Variants in PLGRKT observed in about 807,000 individuals in gnomAD.
PLGRKT encodes the protein plasminogen receptor with a C-terminal lysine, also known as plasminogen receptor (KT).
A neutral mutation model predicts 18.5 loss-of-function variants in PLGRKT; 22 were observed. That is an observed-to-expected ratio of 1.19 (90% CI 0.85 to 1.70). The LOEUF is 1.70. Ranked by LOEUF, PLGRKT falls within the 40% of genes most tolerant of loss-of-function variation. The pLI is 0.00. For missense variants in PLGRKT, 235 were observed against 174.4 expected (o/e 1.35, Z -1.96); for synonymous variants, 72 against 52.8 (o/e 1.36, Z -1.58).
intron 3 of PLGRKT, among the ~76,000 whole-genome samples, chr9:5,424,689 TATACACACA>T (rs1818658916): frequency 1.4e-5 from 1 of 70,866 alleles, no homozygotes; most frequent in South Asian, 4.1e-4. Flanking sequence ...TATATATATA[TATACACACA>T]GGGGGGGGAG....
In PLGRKT at chr9:5,418,679, T is replaced by G; in HGVS notation, c.81+13218A>C. On this transcript the variant is annotated intron_variant, in intron 3 of 5. Transcript: ENST00000223864. The surrounding 1 kb of genome is among the most constrained non-coding windows in gnomAD (Gnocchi z 4.2). ...TCCTTGGAGATGGGCAGGGGCAGCA[T>G]GTAGCACCCACTGCCGGGAAGTCTG... 3.0e-6 allele frequency: 2 copies of G among 668,924 alleles called. No individual in the cohort carries two copies. Among genetic ancestry groups the G allele is most frequent in the Non-Finnish European group, 5.6e-6 (2 of 358,132 alleles). The allele number at this position is 668,924 out of a possible 1,614,324, so 41.4% of individuals were successfully genotyped here. A position where few individuals can be genotyped will look rare whatever the true frequency, so the allele number is the denominator to read the frequency against.
intron 3 of PLGRKT, among the ~76,000 whole-genome samples, chr9:5,383,099 C>T (rs995378501): frequency 1.3e-5 from 2 of 152,160 alleles, no homozygotes; most frequent in Non-Finnish European, 2.9e-5. Context: ...AAAAGACACA[C>T]AGAGTAGAGA....
chr9:5,401,912 C>G (rs1369174949), intron 3 of PLGRKT, among the ~76,000 whole-genome samples: 1 of 151,828 alleles, frequency 6.6e-6, no homozygotes, highest in East Asian at 1.9e-4. Flanking sequence ...CTGGAAAGTT[C>G]TTTTCTCTTT....
intron 3 of PLGRKT, among the ~76,000 whole-genome samples, chr9:5,384,477 C>A (rs1817805048): frequency 6.6e-6 from 1 of 152,096 alleles, no homozygotes; most frequent in South Asian, 2.1e-4. Context: ...GGAATAAAAT[C>A]TCACCATGAC....
chr9:5,406,922 A>G (rs1012810428), intron 3 of PLGRKT, among the ~76,000 whole-genome samples: 2 of 152,222 alleles, frequency 1.3e-5, no homozygotes, highest in Non-Finnish European at 2.9e-5. Flanking sequence ...AAGTTAAGGT[A>G]TAAGGTCTAC....
intron 3 of PLGRKT, among the ~76,000 whole-genome samples, chr9:5,407,167 T>G (rs1330101346): frequency 6.6e-6 from 1 of 152,178 alleles, no homozygotes; most frequent in Non-Finnish European, 1.5e-5. Context: ...GTACAATGAT[T>G]GACAATCAAA....
chr9:5,408,478 T>G (rs887016819), intron 3 of PLGRKT, among the ~76,000 whole-genome samples: 1 of 152,192 alleles, frequency 6.6e-6, no homozygotes, highest in Admixed American at 6.5e-5. Context: ...AGCAAAACAT[T>G]TGAGATGTAG....
At chr9:5,415,295 A>AG (rs1818439431) in intron 3 of PLGRKT, among the ~76,000 whole-genome samples, 1 of 152,242 alleles carries the variant, frequency 6.6e-6, no homozygotes. Flanking sequence ...CCCATAGAGT[A>AG]AAATGTCCAC....
chr9:5,388,725 T>A (rs1817891578), intron 3 of PLGRKT, among the ~76,000 whole-genome samples: 1 of 152,070 alleles, frequency 6.6e-6, no homozygotes, highest in Non-Finnish European at 1.5e-5. Flanking sequence ...GAACTTGTGA[T>A]GAAATGTCCC....
intron 3 of PLGRKT, among the ~76,000 whole-genome samples, chr9:5,390,847 A>G (rs1817937370): frequency 6.6e-6 from 1 of 151,952 alleles, no homozygotes; most frequent in African/African-American, 2.4e-5. Context: ...AGATTTTTTA[A>G]ATGTCTTCAA....
intron 3 of PLGRKT, among the ~76,000 whole-genome samples, chr9:5,411,393 AAAAAAAG>A (rs1295725577): frequency 2.7e-4 from 40 of 150,064 alleles, no homozygotes; most frequent in Admixed American, 4.6e-4. Flanking sequence ...TCAAAAAAAA[AAAAAAAG>A]AAAAGAAAAG....
chr9:5,377,740 G>A (rs1207981431), intron 3 of PLGRKT, among the ~76,000 whole-genome samples: 1 of 152,110 alleles, frequency 6.6e-6, no homozygotes, highest in Non-Finnish European at 1.5e-5. Context: ...AACAACAAAT[G>A]GTGCCCCTCC....
At chr9:5,411,217 C>G (rs1818357381) in intron 3 of PLGRKT, among the ~76,000 whole-genome samples, 1 of 151,822 alleles carries the variant, frequency 6.6e-6, no homozygotes, top group South Asian at 2.1e-4. Flanking sequence ...AACCCCGTCT[C>G]TACTAAAAAT....
At chr9:5,387,939 A>G (rs1047196776) in intron 3 of PLGRKT, among the ~76,000 whole-genome samples, 9 of 151,764 alleles carry the variant, frequency 5.9e-5, no homozygotes, top group African/African-American at 2.2e-4. Context: ...TGGATTCTAG[A>G]TATATTTGGA....
At chr9:5,370,278 T>C (rs1206366283) in intron 3 of PLGRKT, among the ~76,000 whole-genome samples, 1 of 152,132 alleles carries the variant, frequency 6.6e-6, no homozygotes, top group Admixed American at 6.5e-5. Flanking sequence ...AATTTGTCAA[T>C]CTGTTGAGTT....
chr9:5,367,640 G>A (rs950329328), intron 3 of PLGRKT, among the ~76,000 whole-genome samples: 1 of 152,054 alleles, frequency 6.6e-6, no homozygotes, highest in Admixed American at 6.6e-5. Context: ...GAAAATCCTA[G>A]AATAAAACCT....
intron 3 of PLGRKT, among the ~76,000 whole-genome samples, chr9:5,363,653 T>A (rs772606546): frequency 6.6e-6 from 1 of 152,142 alleles, no homozygotes; most frequent in Admixed American, 6.5e-5. Context: ...TAATTCTCTG[T>A]CTGGGGATCC....
chr9:5,414,134 T>C (rs570744466), intron 3 of PLGRKT, among the ~76,000 whole-genome samples: 18 of 152,266 alleles, frequency 1.2e-4, no homozygotes, highest in Admixed American at 9.2e-4. Context: ...AATGAGTTAA[T>C]AGGGAGAAAG....
In PLGRKT at chr9:5,394,813, T is replaced by C. The variant is rs1362085397; in HGVS notation, c.82-32925A>G. ...GTTTCCTGTATCAGTGATTTAAACA[T>C]GTCTGTTTTTTAATGAACTCTCTTC... On this transcript the variant is annotated intron_variant, in intron 3 of 5. Transcript: ENST00000223864. Among the ~76,000 whole-genome samples the C allele has an allele frequency of 2.0e-5, 3 of 151,852 alleles. No homozygotes were observed. In the South Asian group the frequency reaches 6.2e-4, roughly 31 times the overall value.
Sources: allele counts gnomAD v4.1 joint callset (sites outside exome capture counted in the v4.1 genomes callset), GRCh38; gene constraint gnomAD v4.1.1; non-coding constraint Gnocchi (gnomAD v3.1); transcripts MANE v1.5; gene names NCBI Gene and HGNC (gene_info 2026-07-23, HGNC 2026-07-21).